The following DGKK variants were observed in gnomAD, a reference collection of about 807,000 sequenced individuals.
DGKK encodes 142 kDa diacylglycerol kinase.
In DGKK, 35 loss-of-function variants were observed where a neutral mutation model predicts 92.2. The observed-to-expected ratio is 0.38, with a 90% CI of 0.29 to 0.50. DGKK has a LOEUF of 0.50. DGKK is among the 20% of genes least tolerant of loss of function. The pLI, the probability that DGKK is intolerant of heterozygous loss-of-function variation, is 0.92. For missense variants in DGKK, 910 were observed against 992.2 expected (o/e 0.92, Z 1.11); for synonymous variants, 368 against 360.6 (o/e 1.02, Z -0.23).
chrX:50,403,898 T>C (rs1557226937), intron 5 of DGKK, 151 bp downstream of exon 5: 2 of 665,273 alleles, frequency 3.0e-6, no homozygotes, highest in African/African-American at 4.5e-5. Context: ...CCCTTTATGT[T>C]AGTTTCCTCC....
At chrX:50,461,415 A>T (rs1276601576) in intron 1 of DGKK, among the ~76,000 whole-genome samples, 1 of 112,545 alleles carries the variant, frequency 8.9e-6, no homozygotes, top group Non-Finnish European at 1.9e-5. Context: ...AATGAAAAAT[A>T]TAGCAAAATA....
chrX:50,411,397 AG>A (rs1358773774), intron 4 of DGKK, among the ~76,000 whole-genome samples: 5 of 112,712 alleles, frequency 4.4e-5, no homozygotes, highest in Non-Finnish European at 7.5e-5. Context: ...TGAGATAAAA[AG>A]ATGATGCAAC....
At chrX:50,387,231 T>G (rs5915427) in intron 14 of DGKK, among the ~76,000 whole-genome samples, 28,176 of 110,959 alleles carry the variant, frequency 0.25, 2,818 homozygotes, top group Middle Eastern at 0.39. Flanking sequence ...TGAATGTATT[T>G]GTAGTGTGTA....
intron 24 of DGKK, among the ~76,000 whole-genome samples, 156 bp downstream of exon 24, chrX:50,375,868 A>G (rs1421863650): frequency 1.8e-5 from 2 of 111,780 alleles, no homozygotes; most frequent in African/African-American, 6.5e-5. Context: ...ACCTGTAACA[A>G]GTCAAGGAAT....
At chrX:50,423,659 GT>G (rs1925659878) in intron 2 of DGKK, among the ~76,000 whole-genome samples, 1 of 111,591 alleles carries the variant, frequency 9.0e-6, no homozygotes, top group African/African-American at 3.3e-5. Flanking sequence ...GTTTTGTGCA[GT>G]TTTTTTATAC....
intron 1 of DGKK, among the ~76,000 whole-genome samples, chrX:50,428,536 A>C (rs1433404246): frequency 8.9e-6 from 1 of 111,894 alleles, no homozygotes; most frequent in Non-Finnish European, 1.9e-5. Context: ...GAAGGAACCA[A>C]ATGAAGTTGT....
intron 1 of DGKK, among the ~76,000 whole-genome samples, chrX:50,464,424 G>A (rs911767346): frequency 4.4e-4 from 48 of 108,659 alleles, no homozygotes; most frequent in Admixed American, 3.0e-4. Flanking sequence ...CTGGAGATTT[G>A]GTATAGTCAG....
chrX:50,423,014 A>G (rs1245811314), intron 2 of DGKK, among the ~76,000 whole-genome samples: 1 of 112,356 alleles, frequency 8.9e-6, no homozygotes, highest in Non-Finnish European at 1.9e-5. Flanking sequence ...GGAAATCAGT[A>G]TCATGGATAC....
rs1237967128 is a variant in DGKK, at chrX:50,386,382, G to C, written c.2323C>G (p.Leu775Val). ...KAQSLQKSLK[L>V]IIFQVEQALD... ...CCTTGTTCAACTTGAAATATGATGAGTTTCAAGGATTTCTGGAGACTCTGG... is the reference window on the plus strand; with the variant it reads ...CCTTGTTCAACTTGAAATATGATGACTTTCAAGGATTTCTGGAGACTCTGG... Residue 775 changes from leucine (L) to valine (V), a missense_variant, in exon 15 of 28, where the codon CTC (leucine) becomes GTC (valine). Leu to Val is a conservative substitution (Grantham distance 32, BLOSUM62 1). Transcript: ENST00000611977. The C allele has an allele frequency of 8.3e-7, 1 of 1,206,907 alleles. No homozygotes were observed. Among genetic ancestry groups the C allele is most frequent in the Non-Finnish European group, 1.1e-6 (1 of 892,907 alleles).
At position 50,420,439 on chromosome X, in the gene DGKK, G is replaced by T. The variant is rs1925552061; in HGVS notation, c.906C>A (p.Asn302Lys). 2 of 1,208,500 alleles carry T rather than the reference G, an allele frequency of 1.7e-6. No individual in the cohort carries two copies. The highest frequency in any genetic ancestry group is 3.5e-5 in the African/African-American group (2 of 57,044). Residue 302 changes from asparagine (N) to lysine (K), a missense_variant, in exon 4 of 28, where the codon AAC (asparagine) becomes AAA (lysine). Asn to Lys is a moderately conservative substitution (Grantham distance 94). Coordinates refer to ENST00000611977, the MANE Select transcript of DGKK (RefSeq NM_001013742.4). ...CTCCCTGTTGGATGGTTTTTATGAT[G>T]TTAATCCATTCTTCCATGTCTTTCC... ...PNRKDMEEWI[N>K]IIKTIQQGEI...
chrX:50,389,255 T>G (rs1924626148), intron 12 of DGKK, among the ~76,000 whole-genome samples: 2 of 112,164 alleles, frequency 1.8e-5, no homozygotes, highest in Admixed American at 1.9e-4. Flanking sequence ...ACCCTTGACA[T>G]TCAAACATCT....
At chrX:50,399,455 T>C (rs1246857083) in intron 8 of DGKK, among the ~76,000 whole-genome samples, 1 of 112,140 alleles carries the variant, frequency 8.9e-6, no homozygotes, top group Non-Finnish European at 1.9e-5. Context: ...CTAGCATCTA[T>C]GTGGGGATAA....
chrX:50,379,661 C>T lies in DGKK; in HGVS notation c.2828G>A (p.Gly943Asp). The change falls in exon 20 of 28, where the codon GGT (glycine) becomes GAT (aspartate). Residue 943 changes from glycine to aspartate, a missense_variant. Gly to Asp is a moderately conservative substitution (Grantham distance 94). Coordinates refer to ENST00000611977, the MANE Select transcript of DGKK (RefSeq NM_001013742.4). ...TGTGTTGCTTCCCCAGAAGTTGATA[C>T]CTCCAGCATAGCTGGTAATGTTGAG... ...VVLNITSYAG[G>D]INFWGSNTAT... 1 of 1,211,398 alleles carries T rather than the reference C, an allele frequency of 8.3e-7. No homozygotes were observed. The highest frequency in any genetic ancestry group is 1.1e-6 in the Non-Finnish European group (1 of 895,207).
rs782153269 is a variant in DGKK, at chrX:50,431,370, C to T, written c.646-7012G>A. 2.7e-5 allele frequency among the ~76,000 whole-genome samples: 3 copies of T among 111,204 alleles called. No homozygotes were observed. The South Asian group carries it at 1.2e-3, about 43-fold the overall frequency. ...GGCTTTGGGGAATTATTTACCTTTT[C>T]CTAGCAAAAGGGTCCCCTGTTATAA... is the stretch of plus-strand genomic sequence containing the variant. On this transcript the variant is annotated intron_variant, in intron 1 of 27. Transcript: ENST00000611977.
At chrX:50,451,781 T>C (rs1926500815) in intron 1 of DGKK, among the ~76,000 whole-genome samples, 1 of 111,856 alleles carries the variant, frequency 8.9e-6, no homozygotes, top group African/African-American at 3.2e-5. Context: ...TGTGGATCTT[T>C]CTCTTAACAT....
At chrX:50,424,764 C>T (rs1304770661) in intron 1 of DGKK, among the ~76,000 whole-genome samples, 1 of 111,567 alleles carries the variant, frequency 9.0e-6, no homozygotes, top group African/African-American at 3.3e-5. Flanking sequence ...CCTGTCAGCT[C>T]TTTTAGAGTG....
intron 25 of DGKK, 31 bp from the exon 26 acceptor site, chrX:50,371,865 C>T: frequency 1.0e-6 from 1 of 957,577 alleles, no homozygotes; most frequent in Non-Finnish European, 1.5e-6. Context: ...AGTAAGTGTC[C>T]AATGCCTAGC....
rs1399735301 is a variant in DGKK at position 50,470,270 on chromosome X, G to A, written c.409C>T (p.Pro137Ser). 2 of 1,208,643 alleles carry A rather than the reference G, an allele frequency of 1.7e-6. No individual in the cohort carries two copies. The highest frequency in any genetic ancestry group is 2.2e-6 in the Non-Finnish European group (2 of 893,954). ...PEPALESVPE[P>S]APELTPEVAP... The stretch of plus-strand genomic sequence containing the variant: ...ACTTCTGGAGTCAGCTCTGGGGCCG[G>A]CTCTGGGACCGACTCTAGGGCAGGT... The change falls in exon 1 of 28, where the codon CCG becomes TCG. Residue 137 changes from proline (P) to serine (S), a missense_variant. By Grantham distance (74) the Pro-to-Ser change is moderately conservative (BLOSUM62 -1). Coordinates refer to ENST00000611977, the MANE Select transcript of DGKK (RefSeq NM_001013742.4).
chrX:50,386,680 G>A, intron 14 of DGKK, 94 bp from the exon 15 acceptor site: 2 of 727,078 alleles, frequency 2.8e-6, no homozygotes, highest in Non-Finnish European at 4.0e-6. Context: ...GAAGGGTAGG[G>A]AGGGGTAAGA....
Sources: allele counts gnomAD v4.1 joint callset (sites outside exome capture counted in the v4.1 genomes callset), GRCh38; gene constraint gnomAD v4.1.1; transcripts MANE v1.5; gene names NCBI Gene and HGNC (gene_info 2026-07-23, HGNC 2026-07-21).